FOXN3: variants seen among roughly 807,000 people sequenced by gnomAD.
FOXN3 encodes the protein forkhead box N3.
Under a neutral mutation model 38.4 loss-of-function variants are expected in FOXN3, and 7 were observed. The ratio of observed to expected loss-of-function variants is 0.18; its 90% CI spans 0.10 to 0.34. The LOEUF (loss-of-function observed/expected upper bound fraction) is 0.34. Among genes scored for constraint, FOXN3 ranks in the 10% least tolerant of loss-of-function variants. FOXN3 has a pLI of 1.00. For synonymous variants in FOXN3, 230 were observed against 242.2 expected (o/e 0.95, Z 0.47); for missense variants, 456 against 613.4 (o/e 0.74, Z 2.71).
rs183362116 is a variant in FOXN3 at position 89,208,989 on chromosome 14, G to C, written c.746-28183C>G. On this transcript the variant is annotated intron_variant, in intron 4 of 5. Coordinates refer to ENST00000557258, the MANE Select transcript of FOXN3 (RefSeq NM_005197.4). Reference sequence around the variant, plus strand: ...CAACATTAGACAAGTCCTCTCAAAGGCCTCATTTCCTAACCACGCAACGAC... The same window carrying C: ...CAACATTAGACAAGTCCTCTCAAAGCCCTCATTTCCTAACCACGCAACGAC... 2.0e-3 allele frequency among the ~76,000 whole-genome samples: 308 copies of C among 152,168 alleles called. 3 individuals carry two copies. The highest frequency in any genetic ancestry group is 7.1e-3 in the African/African-American group (294 of 41,508).
At chr14:89,371,234 G>A (rs1427629821) in intron 2 of FOXN3, among the ~76,000 whole-genome samples, 17 of 152,134 alleles carry the variant, frequency 1.1e-4, no homozygotes, top group African/African-American at 3.6e-4. Flanking sequence ...AAAGTGGCCC[G>A]GGGAGGAAGG....
Position 89,456,575 on chromosome 14 carries a change from G to A in FOXN3, c.-14-44085C>T, listed in dbSNP as rs559770784. ...TCAAGACCAGCCTGGGCAACATGGCGAAAGCCCATCTCTACTAAAAATACA... is the reference window on the plus strand; with the variant it reads ...TCAAGACCAGCCTGGGCAACATGGCAAAAGCCCATCTCTACTAAAAATACA... On this transcript the variant is annotated intron_variant, in intron 1 of 6. Transcript: ENST00000345097. Among the ~76,000 whole-genome samples the A allele has an allele frequency of 2.5e-3, 385 of 152,264 alleles. 3 individuals are homozygous for A. Among genetic ancestry groups the A allele is most frequent in the African/African-American group, 8.8e-3 (366 of 41,564 alleles).
intron 3 of FOXN3, among the ~76,000 whole-genome samples, chr14:89,323,435 A>G (rs970910103): frequency 2.7e-5 from 4 of 149,142 alleles, no homozygotes; most frequent in African/African-American, 7.4e-5. Context: ...GAAGAAGAGG[A>G]CCCGGCTGGG....
chr14:89,513,097 G>A (rs928460443), intron 1 of FOXN3, among the ~76,000 whole-genome samples: 3 of 137,230 alleles, frequency 2.2e-5, no homozygotes, highest in South Asian at 4.6e-4. Flanking sequence ...CCGAGATCGC[G>A]CCACTGCACT....
intron 1 of FOXN3, among the ~76,000 whole-genome samples, chr14:89,452,892 C>T (rs1566661208): frequency 6.6e-6 from 1 of 152,232 alleles, no homozygotes; most frequent in Non-Finnish European, 1.5e-5. Context: ...TAAGAGATAA[C>T]AAACACTTAA....
chr14:89,265,897 T>G (rs1478373728), intron 4 of FOXN3, among the ~76,000 whole-genome samples: 1 of 152,180 alleles, frequency 6.6e-6, no homozygotes, highest in Non-Finnish European at 1.5e-5. Flanking sequence ...GATGATGACA[T>G]TCACGTTCCC....
At chr14:89,190,037 C>T (rs1212030980) in intron 4 of FOXN3, among the ~76,000 whole-genome samples, 1 of 152,174 alleles carries the variant, frequency 6.6e-6, no homozygotes, top group Non-Finnish European at 1.5e-5. Flanking sequence ...CCCCATGTAG[C>T]CTCTTCTAGG....
chr14:89,297,692 T>G (rs1887086270), intron 3 of FOXN3, among the ~76,000 whole-genome samples: 1 of 152,194 alleles, frequency 6.6e-6, no homozygotes, highest in Admixed American at 6.5e-5. Context: ...GAAACATTAT[T>G]CACATCTGGG....
rs150322964 is a variant in FOXN3, at chr14:89,474,062, G to A, written c.-14-61572C>T. On this transcript the variant is annotated intron_variant, in intron 1 of 6. Transcript: ENST00000345097. ...CCGATAACATCTTCATCATTGCTAC[G>A]TAACAGACCCTACAGACACAGATGC... is the stretch of plus-strand genomic sequence containing the variant. Among the ~76,000 whole-genome samples, 796 of 152,282 alleles carry A rather than the reference G, an allele frequency of 5.2e-3. 7 individuals carry two copies. The highest frequency in any genetic ancestry group is 0.018 in the African/African-American group (764 of 41,536).
intron 1 of FOXN3, among the ~76,000 whole-genome samples, chr14:89,477,332 T>C (rs914185529): frequency 2.0e-5 from 3 of 152,224 alleles, no homozygotes; most frequent in Non-Finnish European, 4.4e-5. Context: ...GAGAATGTTT[T>C]ACACTTCCTT....
chr14:89,448,811 C>T (rs1892560844), intron 1 of FOXN3, among the ~76,000 whole-genome samples: 2 of 151,562 alleles, frequency 1.3e-5, no homozygotes, highest in Admixed American at 6.6e-5. Flanking sequence ...TGGGGTGGTG[C>T]GGCGCCTGTA....
intron 1 of FOXN3, among the ~76,000 whole-genome samples, chr14:89,588,589 TCAGA>T (rs2139922199): frequency 6.6e-6 from 1 of 152,198 alleles, no homozygotes; most frequent in South Asian, 2.1e-4. Flanking sequence ...CAGGAACAGG[TCAGA>T]CAACCAGCAA....
chr14:89,439,601 G>A (rs542511003), intron 1 of FOXN3, among the ~76,000 whole-genome samples: 50 of 151,566 alleles, frequency 3.3e-4, no homozygotes, highest in African/African-American at 1.2e-3. Context: ...CCATAAAAAT[G>A]AGCAATGAGC....
At chr14:89,526,075 A>G (rs745843419) in intron 1 of FOXN3, among the ~76,000 whole-genome samples, 2 of 151,716 alleles carry the variant, frequency 1.3e-5, no homozygotes, top group African/African-American at 2.4e-5. Flanking sequence ...TCCAACATCT[A>G]TTCTTGGTAA....
In FOXN3 at chr14:89,161,397, T is replaced by C. The variant is rs970278438; in HGVS notation, c.*1017A>G. The C allele has an allele frequency of 1.3e-5, 2 of 151,966 alleles. No individual in the cohort carries two copies. Among genetic ancestry groups the C allele is most frequent in the African/African-American group, 4.8e-5 (2 of 41,404 alleles). 9.4% of individuals were successfully genotyped at this position (151,966 alleles called of 1,614,324 possible). ...CGTAGCTTTCTAGTTTTTTTTTTTT[T>C]TTCACTTGGATCAAATAGTTTTGAT... is the stretch of plus-strand genomic sequence containing the variant. On this transcript the variant is annotated 3_prime_UTR_variant, in exon 6 of 6. Transcript: ENST00000557258.
At chr14:89,347,628 T>G (rs1238841796) in intron 3 of FOXN3, among the ~76,000 whole-genome samples, 1 of 152,144 alleles carries the variant, frequency 6.6e-6, no homozygotes, top group African/African-American at 2.4e-5. Flanking sequence ...TGGAAGAACA[T>G]CCTAACATAC....
chr14:89,339,089 C>G (rs1004698167), intron 3 of FOXN3, among the ~76,000 whole-genome samples: 1 of 152,142 alleles, frequency 6.6e-6, no homozygotes, highest in Non-Finnish European at 1.5e-5. Context: ...CAACCTCTGC[C>G]TCCTGGGTGA....
At chr14:89,235,347 A>G (rs1884947397) in intron 4 of FOXN3, among the ~76,000 whole-genome samples, 1 of 152,164 alleles carries the variant, frequency 6.6e-6, no homozygotes, top group South Asian at 2.1e-4. Flanking sequence ...TAAGCTAACC[A>G]CACAAAGTAA....
intron 1 of FOXN3, among the ~76,000 whole-genome samples, chr14:89,581,806 A>G (rs1895745881): frequency 6.6e-6 from 1 of 152,086 alleles, no homozygotes; most frequent in Admixed American, 6.6e-5. Context: ...ACAATCCCCC[A>G]TCATTCACAC....
Sources: allele counts gnomAD v4.1 joint callset (sites outside exome capture counted in the v4.1 genomes callset), GRCh38; gene constraint gnomAD v4.1.1; transcripts MANE v1.5; gene names NCBI Gene and HGNC (gene_info 2026-07-23, HGNC 2026-07-21).